MYT1L: variants seen among roughly 807,000 people sequenced by gnomAD.
The protein encoded by MYT1L is myelin transcription factor 1 like.
A neutral mutation model predicts 126.7 loss-of-function variants in MYT1L; 12 were observed. The observed-to-expected ratio is 0.09, with a 90% CI of 0.06 to 0.15. The LOEUF is 0.15. MYT1L is among the 10% of genes least tolerant of loss of function. The pLI, the probability that MYT1L is intolerant of heterozygous loss-of-function variation, is 1.00. For missense variants in MYT1L, 979 were observed against 1,585.2 expected (o/e 0.62, Z 6.49); for synonymous variants, 541 against 604.2 (o/e 0.90, Z 1.53).
chr2:2,216,594 G>A (rs190600084), intron 2 of MYT1L, among the ~76,000 whole-genome samples: 185 of 152,178 alleles, frequency 1.2e-3, no homozygotes, highest in African/African-American at 4.2e-3. Context: ...TTCAGCTTCC[G>A]CCTTAAGCAA....
intron 8 of MYT1L, among the ~76,000 whole-genome samples, chr2:1,965,039 T>G (rs1187397571): frequency 6.6e-6 from 1 of 152,184 alleles, no homozygotes; most frequent in African/African-American, 2.4e-5. Flanking sequence ...GCCCAGAAAA[T>G]TAAATTCACC....
chr2:2,054,482 A>C (rs934280871), intron 3 of MYT1L, among the ~76,000 whole-genome samples: 1 of 151,976 alleles, frequency 6.6e-6, no homozygotes, highest in African/African-American at 2.4e-5. Flanking sequence ...ATGATGAGAC[A>C]TATGGAGACA....
chr2:1,873,059 G>T (rs2148722356), intron 18 of MYT1L, among the ~76,000 whole-genome samples: 1 of 152,310 alleles, frequency 6.6e-6, no homozygotes, highest in South Asian at 2.1e-4. Context: ...CTTGGCCTTT[G>T]CAGAGGGGCC....
In MYT1L at chr2:2,284,461, C is replaced by G. The variant is rs557833541; in HGVS notation, c.-478G>C. ...ATTGGACAAACGTCCAGGCAACAGC[C>G]GCACACACCTCGTCCTTGGCTACAG... is the stretch of plus-strand genomic sequence containing the variant. On this transcript the variant is annotated 5_prime_UTR_variant, in exon 2 of 25. Transcript: ENST00000647738. The G allele has an allele frequency of 6.6e-6, 1 of 152,256 alleles. No individual in the cohort carries two copies. The highest frequency in any genetic ancestry group is 2.4e-5 in the African/African-American group (1 of 41,424). 9.4% of individuals were successfully genotyped at this position (152,256 alleles called of 1,614,324 possible).
intron 3 of MYT1L, among the ~76,000 whole-genome samples, chr2:2,120,898 G>A (rs1444986503): frequency 1.3e-5 from 2 of 151,834 alleles, no homozygotes; most frequent in Non-Finnish European, 2.9e-5. Context: ...ACTGTGTGGT[G>A]GGTGTTTTAA....
chr2:2,270,651 T>G lies in MYT1L; in HGVS notation c.-421+13753A>C, dbSNP rs546991866. On this transcript the variant is annotated intron_variant, in intron 2 of 24. Transcript: ENST00000647738. ...GCCAATCTCCCTAATTGGTACTCAATGTATTCAGGGATTCTTTAAGTGTGG... is the reference window on the plus strand; with the variant it reads ...GCCAATCTCCCTAATTGGTACTCAAGGTATTCAGGGATTCTTTAAGTGTGG... Among the ~76,000 whole-genome samples the G allele has an allele frequency of 1.6e-3, 243 of 152,246 alleles. 1 individual carries two copies. Among genetic ancestry groups the G allele is most frequent in the African/African-American group, 5.6e-3 (233 of 41,554 alleles).
intron 3 of MYT1L, among the ~76,000 whole-genome samples, chr2:2,147,365 A>G (rs188425764): frequency 2.0e-5 from 3 of 152,360 alleles, no homozygotes; most frequent in East Asian, 3.9e-4. Context: ...CAGCAGGCAC[A>G]CTGCCTGTTG....
chr2:1,790,926 C>T lies in MYT1L; in HGVS notation c.*941G>A, dbSNP rs1275649811. ...AAAACACACAAATTCTGTTGATAAA[C>T]TACATTGCAATAACAGACAGTTCAG... On this transcript the variant is annotated 3_prime_UTR_variant, in exon 25 of 25. Transcript: ENST00000647738. The T allele has an allele frequency of 5.9e-6, 1 of 169,878 alleles. No homozygotes were observed. Among genetic ancestry groups the T allele is most frequent in the African/African-American group, 2.4e-5 (1 of 41,862 alleles). 10.5% of individuals were successfully genotyped at this position (169,878 alleles called of 1,614,324 possible). A position where few individuals can be genotyped will look rare whatever the true frequency, so the allele number is the denominator to read the frequency against.
intron 3 of MYT1L, among the ~76,000 whole-genome samples, chr2:2,160,293 A>G (rs1262815948): frequency 6.6e-6 from 1 of 152,190 alleles, no homozygotes; most frequent in Admixed American, 6.5e-5. Context: ...TAGTGTTGGT[A>G]TTTCTCATTG....
chr2:2,012,531 C>T (rs958554637), intron 4 of MYT1L, among the ~76,000 whole-genome samples: 3 of 152,168 alleles, frequency 2.0e-5, no homozygotes, highest in African/African-American at 7.2e-5. Flanking sequence ...CTGGGTGATA[C>T]TTGTTTGTAT....
At chr2:1,923,399 C>T in intron 9 of MYT1L, 136 bp from the exon 10 acceptor site, 1 of 747,950 alleles carries the variant, frequency 1.3e-6, no homozygotes, top group Non-Finnish European at 2.1e-6. Context: ...CTGTAAGTCC[C>T]ATTTGCAGCT....
chr2:2,105,235 G>A (rs1241713036), intron 3 of MYT1L, among the ~76,000 whole-genome samples: 2 of 152,150 alleles, frequency 1.3e-5, no homozygotes, highest in East Asian at 1.9e-4. Flanking sequence ...CCCCGGCAGC[G>A]TGGACACCCC....
chr2:2,265,338 A>G (rs2095099136), intron 2 of MYT1L, among the ~76,000 whole-genome samples: 1 of 151,836 alleles, frequency 6.6e-6, no homozygotes, highest in African/African-American at 2.4e-5. Flanking sequence ...TTTTTAAATG[A>G]TAATAATGAC....
At chr2:2,251,265 C>G (rs1202873295) in intron 2 of MYT1L, among the ~76,000 whole-genome samples, 1 of 152,028 alleles carries the variant, frequency 6.6e-6, no homozygotes, top group African/African-American at 2.4e-5. Flanking sequence ...ACAATGAGCC[C>G]ATATTCCTTT....
intron 21 of MYT1L, among the ~76,000 whole-genome samples, chr2:1,815,654 G>T (rs2037505125): frequency 6.6e-6 from 1 of 152,012 alleles, no homozygotes. Flanking sequence ...CACCCCCCTG[G>T]GTACACCTCC....
chr2:1,861,920 T>TGCAGCCTGTGTAATCCTAGATCCG lies in MYT1L; in HGVS notation c.2712-10218_2712-10217insCGGATCTAGGATTACACAGGCTGC, dbSNP rs1558191544. ...CTACAGCCTGTGTAATCCTGGATCC[T>TGCAGCCTGTGTAATCCTAGATCCG]CCTGCAGCCTGTGTAATCCTGGATC... On this transcript the variant is annotated intron_variant, in intron 18 of 24. Transcript: ENST00000647738. Among the ~76,000 whole-genome samples the TGCAGCCTGTGTAATCCTAGATCCG allele has an allele frequency of 5.8e-4, 15 of 25,954 alleles. 1 individual carries two copies. Among genetic ancestry groups the TGCAGCCTGTGTAATCCTAGATCCG allele is most frequent in the South Asian group, 2.6e-3 (3 of 1,138 alleles). The allele number at this position is 25,954 out of a possible 152,430, so 17.0% of individuals were successfully genotyped here. A position where few individuals can be genotyped will look rare whatever the true frequency, so the allele number is the denominator to read the frequency against.
At chr2:2,090,233 C>A (rs771226254) in intron 3 of MYT1L, among the ~76,000 whole-genome samples, 7 of 152,166 alleles carry the variant, frequency 4.6e-5, no homozygotes, top group Non-Finnish European at 8.8e-5. Flanking sequence ...ATGTGTGTTT[C>A]TGTTTAAACA....
At chr2:2,099,534 T>C (rs2077814724) in intron 3 of MYT1L, among the ~76,000 whole-genome samples, 1 of 152,204 alleles carries the variant, frequency 6.6e-6, no homozygotes, top group Admixed American at 6.5e-5. Flanking sequence ...GGTCCTTCTC[T>C]AAGAAATGTT....
intron 3 of MYT1L, among the ~76,000 whole-genome samples, chr2:2,129,248 G>A (rs1353420341): frequency 6.6e-6 from 1 of 152,156 alleles, no homozygotes; most frequent in African/African-American, 2.4e-5. Context: ...TCTGTCTCCA[G>A]ATAGGTTAAT....
Sources: allele counts gnomAD v4.1 joint callset (sites outside exome capture counted in the v4.1 genomes callset), GRCh38; gene constraint gnomAD v4.1.1; transcripts MANE v1.5; gene names NCBI Gene and HGNC (gene_info 2026-07-23, HGNC 2026-07-21).